Variants in SCRN1 observed in about 807,000 individuals in gnomAD.
SCRN1 encodes secernin 1, also known as secernin-1.
Under a neutral mutation model 43.3 loss-of-function variants are expected in SCRN1, and 19 were observed. That is an observed-to-expected ratio of 0.44 (90% CI 0.31 to 0.64). The LOEUF (loss-of-function observed/expected upper bound fraction) is 0.64. Among genes scored for constraint, SCRN1 ranks in the 30% least tolerant of loss-of-function variants. The pLI is 0.09. For synonymous variants in SCRN1, 183 were observed against 188.9 expected (o/e 0.97, Z 0.26); for missense variants, 447 against 524.1 (o/e 0.85, Z 1.44).
intron 6 of SCRN1, among the ~76,000 whole-genome samples, chr7:29,935,507 G>C (rs1441096530): frequency 1.3e-5 from 2 of 152,212 alleles, no homozygotes; most frequent in Non-Finnish European, 2.9e-5. Flanking sequence ...AAAAACACCA[G>C]AGAACCTACT....
In SCRN1 at chr7:29,940,712, C is replaced by A; in HGVS notation, c.709G>T (p.Ala237Ser). The A allele has an allele frequency of 6.2e-7, 1 of 1,605,040 alleles. No homozygotes were observed. The highest frequency in any genetic ancestry group is 8.5e-7 in the Non-Finnish European group (1 of 1,177,594). Residue 237 changes from alanine (A) to serine (S), a missense_variant, in exon 5 of 8, where the codon GCT (alanine) becomes TCT (serine). Transcript: ENST00000242059. ...TGTTTTTCTAAGCTGTCTTTGCCAG[C>A]ACCGCAGTCTAGATGATCCTCAACT... ...SPVEDHLDCG[A>S]GKDSLEKQEE...
intron 3 of SCRN1, among the ~76,000 whole-genome samples, chr7:29,949,016 A>G (rs1787826195): frequency 6.6e-6 from 1 of 152,160 alleles, no homozygotes; most frequent in Non-Finnish European, 1.5e-5. Context: ...CAGACCTTGG[A>G]TTATAAGTGG....
At chr7:29,961,786 C>G (rs1319628446) in intron 2 of SCRN1, among the ~76,000 whole-genome samples, 1 of 146,538 alleles carries the variant, frequency 6.8e-6, no homozygotes, top group Non-Finnish European at 1.5e-5. Flanking sequence ...GCTGACCCCC[C>G]CACCTCCCTC....
At chr7:29,925,635 G>A (rs1171417709) in intron 7 of SCRN1, among the ~76,000 whole-genome samples, 1 of 152,146 alleles carries the variant, frequency 6.6e-6, no homozygotes, top group African/African-American at 2.4e-5. Flanking sequence ...TGTTTGAATT[G>A]ATGACTTATC....
intron 3 of SCRN1, among the ~76,000 whole-genome samples, chr7:29,947,798 G>A (rs1787783356): frequency 6.6e-6 from 1 of 152,308 alleles, no homozygotes; most frequent in East Asian, 1.9e-4. Flanking sequence ...GTCATGAGGG[G>A]TGGAGGCACC....
chr7:29,930,109 A>C (rs1583650391), intron 6 of SCRN1, among the ~76,000 whole-genome samples: 1 of 152,244 alleles, frequency 6.6e-6, no homozygotes, highest in Non-Finnish European at 1.5e-5. Context: ...CTCAACTAAT[A>C]AAAAATATAA....
chr7:29,947,197 C>T (rs1787762709), intron 3 of SCRN1: 6 of 1,550,234 alleles, frequency 3.9e-6, no homozygotes, highest in Non-Finnish European at 5.2e-6. Context: ...TTGCTCTGGG[C>T]CTGGGAATTA....
At chr7:29,986,821 T>C (rs1307656902) in intron 1 of SCRN1, among the ~76,000 whole-genome samples, 5 of 147,058 alleles carry the variant, frequency 3.4e-5, no homozygotes, top group Non-Finnish European at 5.9e-5. Context: ...GCCTCCCGGG[T>C]TCAAGCGATT....
At chr7:29,936,426 G>A in intron 6 of SCRN1, 130 bp downstream of exon 6, 13 of 746,076 alleles carry the variant, frequency 1.7e-5, no homozygotes, top group Non-Finnish European at 2.7e-5. Flanking sequence ...TGCCCACACT[G>A]AAGCTGACTG....
chr7:29,953,896 T>A (rs921627470), intron 3 of SCRN1, among the ~76,000 whole-genome samples: 1 of 152,114 alleles, frequency 6.6e-6, no homozygotes, highest in African/African-American at 2.4e-5. Flanking sequence ...AGACCTCATA[T>A]TGAAAAAATG....
intron 6 of SCRN1, among the ~76,000 whole-genome samples, chr7:29,932,564 A>G (rs1331875663): frequency 6.8e-6 from 1 of 146,278 alleles, no homozygotes; most frequent in African/African-American, 2.5e-5. Flanking sequence ...AGGAAGGAGA[A>G]TCGTTTGAAC....
intron 3 of SCRN1, among the ~76,000 whole-genome samples, chr7:29,948,008 C>T (rs973068538): frequency 6.6e-6 from 1 of 152,182 alleles, no homozygotes; most frequent in African/African-American, 2.4e-5. Context: ...GTAGTTTCAA[C>T]CCCCTAGGCT....
Position 29,965,876 on chromosome 7 carries a change from A to G in SCRN1, c.159+3033T>C. On this transcript the variant is annotated intron_variant, in intron 2 of 7. Coordinates refer to ENST00000242059, the MANE Select transcript of SCRN1 (RefSeq NM_014766.5). The surrounding 1 kb of genome is among the most constrained non-coding windows in gnomAD (Gnocchi z 4.2). ...GAGTTATGTAGCCTATCCTCCAAAA[A>G]AGAAAACAAATTTTTTTGAAATATT... Among the ~76,000 whole-genome samples, 1 of 152,194 alleles carries G rather than the reference A, an allele frequency of 6.6e-6. No individual in the cohort carries two copies.
intron 1 of SCRN1, among the ~76,000 whole-genome samples, chr7:29,984,204 C>CAAAAAAAAAAAAAAAAAAAAA (rs55733700): frequency 1.0e-5 from 1 of 98,252 alleles, no homozygotes; most frequent in African/African-American, 3.7e-5. Context: ...AGACAGTCTC[C>CAAAAAAAAAAAAAAAAAAAAA]AAAAAAAAAA....
At chr7:29,968,809 T>C (rs1174555673) in intron 2 of SCRN1, 100 bp downstream of exon 2, 4 of 1,437,412 alleles carry the variant, frequency 2.8e-6, no homozygotes, top group South Asian at 2.5e-5. Flanking sequence ...ATGATAGCTC[T>C]GACTTGTGAG....
At chr7:29,952,315 C>G (rs1787966086) in intron 3 of SCRN1, among the ~76,000 whole-genome samples, 1 of 152,216 alleles carries the variant, frequency 6.6e-6, no homozygotes, top group East Asian at 1.9e-4. Context: ...GAACTTGCCA[C>G]TCAAACTGTG....
rs372297455 is a variant in SCRN1 at position 29,941,554 on chromosome 7, G to A, written c.545-678C>T. ...TGGGTATGTGTGTGTGCACACATGC[G>A]TGTGAGTGTGTGAGATAAAGTGTGT... On this transcript the variant is annotated intron_variant, in intron 4 of 7. Coordinates refer to ENST00000242059, the MANE Select transcript of SCRN1 (RefSeq NM_014766.5). 8.8e-4 allele frequency among the ~76,000 whole-genome samples: 134 copies of A among 152,246 alleles called. No homozygotes were observed. In the South Asian group the frequency reaches 0.015, roughly 17 times the overall value.
chr7:29,934,335 T>A (rs1340280226), intron 6 of SCRN1, among the ~76,000 whole-genome samples: 2 of 152,194 alleles, frequency 1.3e-5, no homozygotes, highest in African/African-American at 4.8e-5. Flanking sequence ...TCCTTTACGT[T>A]GGTGTCCTGG....
rs1399332567 is a variant in SCRN1 at position 29,930,198 on chromosome 7, AAAT to A, written c.906-3569_906-3567del. On this transcript the variant is annotated intron_variant, in intron 6 of 7. Transcript: ENST00000242059. ...TAACTAATAAATAAGGTTATCTAAA[AAAT>A]AATAATTACATAAAATATTAACAAA... Among the ~76,000 whole-genome samples the A allele has an allele frequency of 2.6e-5, 4 of 152,330 alleles. 1 individual carries two copies. Among genetic ancestry groups the A allele is most frequent in the South Asian group, 4.1e-4 (2 of 4,826 alleles).
Sources: allele counts gnomAD v4.1 joint callset (sites outside exome capture counted in the v4.1 genomes callset), GRCh38; gene constraint gnomAD v4.1.1; non-coding constraint Gnocchi (gnomAD v3.1); transcripts MANE v1.5; gene names NCBI Gene and HGNC (gene_info 2026-07-23, HGNC 2026-07-21).